The following NCOA2 variants were observed in gnomAD, a reference collection of about 807,000 sequenced individuals.
NCOA2 encodes class E basic helix-loop-helix protein 75.
Under a neutral mutation model 145.1 loss-of-function variants are expected in NCOA2, and 21 were observed. The ratio of observed to expected loss-of-function variants is 0.14; its 90% CI spans 0.10 to 0.21. NCOA2 has a LOEUF of 0.21. Among genes scored for constraint, NCOA2 ranks in the 10% least tolerant of loss-of-function variants. The pLI, the probability that NCOA2 is intolerant of heterozygous loss-of-function variation, is 1.00. For synonymous variants in NCOA2, 619 were observed against 637.5 expected (o/e 0.97, Z 0.44); for missense variants, 1,472 against 1,837.6 (o/e 0.80, Z 3.64).
chr8:70,409,730 T>C, the NCOA2 span, among the ~76,000 whole-genome samples: 1 of 151,644 alleles, frequency 6.6e-6, no homozygotes, highest in African/African-American at 2.4e-5. Flanking sequence ...AAAAGCCAGG[T>C]GTGGTGGCAC....
At chr8:70,206,778 G>C (rs936381455) in intron 4 of NCOA2, among the ~76,000 whole-genome samples, 1 of 151,972 alleles carries the variant, frequency 6.6e-6, no homozygotes, top group Non-Finnish European at 1.5e-5. Context: ...AGTCTGACCC[G>C]GCACACACCA....
chr8:70,409,923 A>G, the NCOA2 span, among the ~76,000 whole-genome samples: 1 of 151,874 alleles, frequency 6.6e-6, no homozygotes, highest in African/African-American at 2.4e-5. Flanking sequence ...AAAGAAAGAG[A>G]GAGCAGCCAG....
At chr8:70,375,974 TGA>T (rs2131334243) in intron 1 of NCOA2, among the ~76,000 whole-genome samples, 1 of 152,346 alleles carries the variant, frequency 6.6e-6, no homozygotes, top group African/African-American at 2.4e-5. Flanking sequence ...GGAAAACTTA[TGA>T]GAGAAGAACT....
intron 2 of NCOA2, among the ~76,000 whole-genome samples, chr8:70,268,874 T>TTGAAA (rs1402501803): frequency 6.6e-6 from 1 of 152,194 alleles, no homozygotes; most frequent in Non-Finnish European, 1.5e-5. Flanking sequence ...ATCATTTTGG[T>TTGAAA]TAGTAGGCTC....
the NCOA2 span, among the ~76,000 whole-genome samples, chr8:70,434,989 A>C: frequency 6.6e-6 from 1 of 152,102 alleles, no homozygotes; most frequent in Non-Finnish European, 1.5e-5. Context: ...TTTCTTAACC[A>C]ATCTCTCCTT....
chr8:70,356,571 G>C (rs1809716167), intron 1 of NCOA2, among the ~76,000 whole-genome samples: 1 of 152,134 alleles, frequency 6.6e-6, no homozygotes, highest in Non-Finnish European at 1.5e-5. Flanking sequence ...GTGTTTAATA[G>C]TTATAAATAA....
intron 1 of NCOA2, among the ~76,000 whole-genome samples, chr8:70,343,682 C>T (rs889278708): frequency 4.0e-5 from 6 of 151,628 alleles, no homozygotes; most frequent in African/African-American, 1.5e-4. Context: ...GGCATGGTGG[C>T]GGGTGCCTGT....
chr8:70,143,213 G>A (rs1333236832), intron 13 of NCOA2, among the ~76,000 whole-genome samples: 3 of 152,122 alleles, frequency 2.0e-5, no homozygotes, highest in Non-Finnish European at 2.9e-5. Context: ...CTCCCAAAGT[G>A]CTGGGATTAC....
At position 70,111,115 on chromosome 8, in the gene NCOA2, G is replaced by C. The variant is rs1382726835; in HGVS notation, c.*2517C>G. 1 of 219,508 alleles carries C rather than the reference G, an allele frequency of 4.6e-6. No homozygotes were observed. The highest frequency in any genetic ancestry group is 9.1e-6 in the Non-Finnish European group (1 of 109,588). The allele number at this position is 219,508 out of a possible 1,614,324, so 13.6% of individuals were successfully genotyped here. ...CAAAATCCATTACCTGATTGAAACC[G>C]TAAGAGAATTTATCATCTCTTTTCC... is the stretch of plus-strand genomic sequence containing the variant. On this transcript the variant is annotated 3_prime_UTR_variant, in exon 23 of 23. Transcript: ENST00000452400.
chr8:70,271,102 T>C (rs926931780), intron 2 of NCOA2, among the ~76,000 whole-genome samples: 2 of 152,194 alleles, frequency 1.3e-5, no homozygotes, highest in African/African-American at 4.8e-5. Flanking sequence ...TCTTGGCTCA[T>C]TAAAAACGCA....
chr8:70,122,895 C>T (rs182411797), intron 21 of NCOA2, among the ~76,000 whole-genome samples: 3 of 152,344 alleles, frequency 2.0e-5, no homozygotes, highest in Non-Finnish European at 1.5e-5. Context: ...GTCATTTACA[C>T]TTTCCATACT....
intron 10 of NCOA2, among the ~76,000 whole-genome samples, chr8:70,159,255 T>TTTTTTC (rs1209017347): frequency 3.0e-4 from 41 of 137,556 alleles, no homozygotes; most frequent in African/African-American, 8.4e-4. Context: ...TTTTTTTTTT[T>TTTTTTC]CCCCCAAATA....
rs1016232600 is a variant in NCOA2 at position 70,112,839 on chromosome 8, T to C, written c.*793A>G. The C allele has an allele frequency of 4.9e-6, 1 of 206,090 alleles. No homozygotes were observed. Among genetic ancestry groups the C allele is most frequent in the Non-Finnish European group, 9.9e-6 (1 of 101,002 alleles). 12.8% of individuals were successfully genotyped at this position (206,090 alleles called of 1,614,324 possible). A position where few individuals can be genotyped will look rare whatever the true frequency, so the allele number is the denominator to read the frequency against. On this transcript the variant is annotated 3_prime_UTR_variant, in exon 23 of 23. Transcript: ENST00000452400. ...GAAGAAGAGATGCTGATTCAAGCTG[T>C]CTGATCAAACTAAAAGGGACTTAAT...
At chr8:70,403,847 C>CCCCCCTCCT, upstream of NCOA2, 2 of 375,924 alleles carry the variant, frequency 5.3e-6, no homozygotes, top group East Asian at 3.9e-5. Flanking sequence ...TCCCCCAACT[C>CCCCCCTCCT]CCTCCTCCTC....
At chr8:70,355,585 T>C (rs1420918965) in intron 1 of NCOA2, among the ~76,000 whole-genome samples, 6 of 150,360 alleles carry the variant, frequency 4.0e-5, no homozygotes, top group Non-Finnish European at 5.9e-5. Flanking sequence ...GTTTTTTTCT[T>C]TTTTTTTTTC....
chr8:70,150,978 GAGA>G (rs1292280823), intron 11 of NCOA2, among the ~76,000 whole-genome samples: 2 of 152,096 alleles, frequency 1.3e-5, no homozygotes, highest in Non-Finnish European at 2.9e-5. Context: ...CTAATAAACT[GAGA>G]AGGTTATATC....
At chr8:70,200,013 C>G (rs1817718166) in intron 4 of NCOA2, among the ~76,000 whole-genome samples, 1 of 152,126 alleles carries the variant, frequency 6.6e-6, no homozygotes, top group Non-Finnish European at 1.5e-5. Flanking sequence ...CTTTTTCCCC[C>G]CTTGTCATTA....
the NCOA2 span, among the ~76,000 whole-genome samples, chr8:70,448,624 T>G: frequency 6.6e-6 from 1 of 152,136 alleles, no homozygotes; most frequent in African/African-American, 2.4e-5. Context: ...CATTTTTCTT[T>G]TTTCCTTTGA....
At chr8:70,354,990 C>T (rs968034103) in intron 1 of NCOA2, among the ~76,000 whole-genome samples, 1 of 152,170 alleles carries the variant, frequency 6.6e-6, no homozygotes, top group African/African-American at 2.4e-5. Flanking sequence ...TGTTGGTCCT[C>T]GAATGTTTGC....
Sources: allele counts gnomAD v4.1 joint callset (sites outside exome capture counted in the v4.1 genomes callset), GRCh38; gene constraint gnomAD v4.1.1; transcripts MANE v1.5; gene names NCBI Gene and HGNC (gene_info 2026-07-23, HGNC 2026-07-21).